Variants in ZNF695 observed in about 807,000 individuals in gnomAD.
ZNF695 encodes zinc finger protein 695.
ZNF695 carries 11 observed loss-of-function variants against 11.2 expected under a neutral mutation model. That is an observed-to-expected ratio of 0.98 (90% CI 0.62 to 1.62). The LOEUF is 1.62. Ranked by LOEUF, ZNF695 falls within the 40% of genes most tolerant of loss-of-function variation. ZNF695 has a pLI of 0.00. For synonymous variants in ZNF695, 190 were observed against 201.4 expected (o/e 0.94, Z 0.48); for missense variants, 559 against 590.5 (o/e 0.95, Z 0.55).
chr1:246,961,451 C>A (rs995666773), intron 5 of ZNF695, among the ~76,000 whole-genome samples: 15 of 152,204 alleles, frequency 9.9e-5, no homozygotes, highest in Non-Finnish European at 2.1e-4. Flanking sequence ...CTACTCCCTG[C>A]CACCTCCATT....
At chr1:246,975,233 G>A (rs930292452) in intron 4 of ZNF695, among the ~76,000 whole-genome samples, 22 of 152,186 alleles carry the variant, frequency 1.4e-4, no homozygotes, top group Admixed American at 1.0e-3. Flanking sequence ...CCATGAATAC[G>A]TACTGCATTC....
downstream of ZNF695, among the ~76,000 whole-genome samples, chr1:246,980,419 T>C (rs1294408453): frequency 2.4e-5 from 1 of 40,870 alleles, no homozygotes; most frequent in African/African-American, 3.6e-5. Context: ...CCCTGCCACT[T>C]TTTTTTTTTT....
Position 246,988,156 on chromosome 1 carries a change from T to C in ZNF695, c.359A>G (p.Glu120Gly). 1 of 1,613,694 alleles carries C rather than the reference T, an allele frequency of 6.2e-7. No individual in the cohort carries two copies. The highest frequency in any genetic ancestry group is 8.5e-7 in the Non-Finnish European group (1 of 1,179,788). The change falls in exon 4 of 4, where the codon GAG (glutamate) becomes GGG (glycine). Residue 120 changes from glutamate to glycine, a missense_variant. Glu to Gly is a moderately conservative substitution (Grantham distance 98). Coordinates refer to ENST00000339986, the MANE Select transcript of ZNF695 (RefSeq NM_020394.5). ...CCAGTCATTCCTTAAGCGTAATTTC[T>C]CAAGACAACATCTTTCATATCTTCT... ...MLRRYERCCL[E>G]KLRLRNDWEI...
intron 1 of ZNF695, among the ~76,000 whole-genome samples, chr1:247,004,564 T>G (rs985225513): frequency 2.0e-5 from 3 of 152,188 alleles, no homozygotes; most frequent in Non-Finnish European, 2.9e-5. Context: ...GTTACTCAAC[T>G]TAGTACTGTA....
chr1:246,999,988 C>T lies in ZNF695; in HGVS notation c.90G>A (p.Arg30=), dbSNP rs1200641049. Residue 30 remains arginine (R), a synonymous_variant, in exon 2 of 4, where the codon AGG becomes AGA. Transcript: ENST00000339986. ...CLDPAQRSLY[R]DVMLENYRNL... is the part of the protein sequence containing the mutation. Reference sequence around the variant, plus strand: ...TTCTGTAGTTCTCTAACATCACATCCCTATACAAACTCCGCTGAGCTGGGT... The same window carrying T: ...TTCTGTAGTTCTCTAACATCACATCTCTATACAAACTCCGCTGAGCTGGGT... The T allele has an allele frequency of 1.9e-6, 3 of 1,614,000 alleles. No homozygotes were observed. The highest frequency in any genetic ancestry group is 1.3e-5 in the African/African-American group (1 of 74,916).
Position 246,985,560 on chromosome 1 carries a change from G to A in ZNF695, c.*1407C>T. On this transcript the variant is annotated 3_prime_UTR_variant, in exon 4 of 4. Coordinates refer to ENST00000339986, the MANE Select transcript of ZNF695 (RefSeq NM_020394.5). The stretch of plus-strand genomic sequence containing the variant: ...TAAGGTGAGATAGGTTAACGTTGGT[G>A]GTAGGATACGCATCACTTAATGTAC... 1.0e-6 allele frequency: 1 copy of A among 985,166 alleles called. No individual in the cohort carries two copies. The highest frequency in any genetic ancestry group is 1.2e-6 in the Non-Finnish European group (1 of 829,896). 61.0% of individuals were successfully genotyped at this position (985,166 alleles called of 1,614,324 possible).
rs1481529482 is a variant in ZNF695 at position 246,987,514 on chromosome 1, T to G, written c.1001A>C (p.Lys334Thr). The G allele has an allele frequency of 1.9e-6, 3 of 1,605,722 alleles. No individual in the cohort carries two copies. Among genetic ancestry groups the G allele is most frequent in the African/African-American group, 1.3e-5 (1 of 74,636 alleles). ...ATGTTGAGTAAGGTATGACAACAAT[T>G]TAAAGACTTTGCCACATTCTTCACA... ...YKCEECGKVFKLLSYLTQHRR... is the reference protein window; with the variant it reads ...YKCEECGKVFTLLSYLTQHRR... Residue 334 changes from lysine to threonine, a missense_variant, in exon 4 of 4, where the codon AAA becomes ACA. Physicochemically the swap from Lys to Thr is moderately conservative, Grantham distance 78. Coordinates refer to ENST00000339986, the MANE Select transcript of ZNF695 (RefSeq NM_020394.5).
intron 4 of ZNF695, among the ~76,000 whole-genome samples, chr1:246,972,370 T>G (rs990754202): frequency 1.1e-4 from 17 of 152,318 alleles, no homozygotes; most frequent in African/African-American, 4.1e-4. Flanking sequence ...TGATTTTCCT[T>G]CCTTTCTGGC....
rs1459174662 is a variant in ZNF695 at position 247,007,895 on chromosome 1, C to T, written c.3+11G>A. ...TCTCCCTTCTCGGGACACCCTGCTCCGCACACTCACCATTTCCCAGCTTTT... is the reference window on the plus strand; with the variant it reads ...TCTCCCTTCTCGGGACACCCTGCTCTGCACACTCACCATTTCCCAGCTTTT... On this transcript the variant is annotated intron_variant, in intron 1 of 3. Transcript: ENST00000339986. 6 of 1,545,830 alleles carry T rather than the reference C, an allele frequency of 3.9e-6. No individual in the cohort carries two copies. Among genetic ancestry groups the T allele is most frequent in the Non-Finnish European group, 5.3e-6 (6 of 1,141,014 alleles).
chr1:246,997,531 C>T (rs549325769), intron 3 of ZNF695, among the ~76,000 whole-genome samples: 2 of 151,556 alleles, frequency 1.3e-5, no homozygotes, highest in African/African-American at 4.8e-5. Flanking sequence ...AAAAGAACTA[C>T]CATACAAGAC....
At chr1:247,000,206 A>C (rs1310766504) in intron 1 of ZNF695, 132 bp from the exon 2 acceptor site, 1 of 812,336 alleles carries the variant, frequency 1.2e-6, no homozygotes, top group East Asian at 2.8e-5. Flanking sequence ...GATAATTTTT[A>C]ACACAGAAAT....
chr1:246,960,111 T>G (rs893577345), intron 5 of ZNF695, among the ~76,000 whole-genome samples: 1 of 152,246 alleles, frequency 6.6e-6, no homozygotes, highest in Non-Finnish European at 1.5e-5. Flanking sequence ...CATGAATAAT[T>G]TAACTGCTTG....
chr1:246,994,343 C>T (rs1029976075), intron 3 of ZNF695, among the ~76,000 whole-genome samples: 2 of 151,876 alleles, frequency 1.3e-5, no homozygotes, highest in African/African-American at 2.4e-5. Flanking sequence ...GAGTTCGAGA[C>T]CAGCCTGGCC....
intron 3 of ZNF695, among the ~76,000 whole-genome samples, chr1:246,997,720 A>G (rs1364662540): frequency 6.6e-6 from 1 of 152,212 alleles, no homozygotes; most frequent in African/African-American, 2.4e-5. Context: ...TACATAATAG[A>G]GTATTATTAA....
intron 5 of ZNF695, among the ~76,000 whole-genome samples, chr1:246,951,204 C>A (rs775954256): frequency 6.6e-6 from 1 of 151,950 alleles, no homozygotes; most frequent in Non-Finnish European, 1.5e-5. Flanking sequence ...CTCTGTTATG[C>A]GCTGAACTGT....
chr1:246,961,712 T>G (rs1476313347), intron 5 of ZNF695, among the ~76,000 whole-genome samples: 4 of 152,206 alleles, frequency 2.6e-5, no homozygotes, highest in Non-Finnish European at 4.4e-5. Context: ...TTTAGACTAT[T>G]TTCTTGGGTG....
chr1:246,999,496 T>C, intron 2 of ZNF695, 56 bp from the exon 3 acceptor site: 1 of 1,383,354 alleles, frequency 7.2e-7, no homozygotes, highest in Non-Finnish European at 1.0e-6. Flanking sequence ...AATCACCTTT[T>C]ACTATGCTCA....
chr1:247,005,803 G>A (rs78329265), intron 1 of ZNF695, among the ~76,000 whole-genome samples: 3,136 of 152,234 alleles, frequency 0.021, 116 homozygotes, highest in African/African-American at 0.072. Flanking sequence ...CTCAAACTAT[G>A]AACAGAAAAC....
intron 4 of ZNF695, among the ~76,000 whole-genome samples, chr1:246,979,325 G>C (rs886295254): frequency 1.3e-5 from 2 of 152,122 alleles, no homozygotes; most frequent in Non-Finnish European, 2.9e-5. Context: ...GGAGGTTTGA[G>C]GGGTACGGGA....
Sources: gnomAD v4.1 joint callset for allele counts (sites outside exome capture counted in the v4.1 genomes callset) on GRCh38, gnomAD v4.1.1 for gene constraint, MANE v1.5 for transcripts, NCBI Gene and HGNC (gene_info 2026-07-23, HGNC 2026-07-21) for gene names.